The following SPAG5 variants were observed in gnomAD, a reference collection of about 807,000 sequenced individuals.
The protein encoded by SPAG5 is sperm associated antigen 5, also known as sperm-associated antigen 5.
SPAG5 carries 99 observed loss-of-function variants against 145.4 expected under a neutral mutation model. The observed-to-expected ratio is 0.68, with a 90% CI of 0.58 to 0.80. The LOEUF (loss-of-function observed/expected upper bound fraction) is 0.80. SPAG5 is among the 30% of genes least tolerant of loss of function. SPAG5 has a pLI of 0.00. For missense variants in SPAG5, 1,192 were observed against 1,416.0 expected, an observed-to-expected ratio of 0.84 and a Z score of 2.54; for synonymous variants, 477 against 525.4, an observed-to-expected ratio of 0.91 and a Z score of 1.26.
chr17:28,579,257 AG>A lies in SPAG5; in HGVS notation c.3006-6del, dbSNP rs765285932. On this transcript the variant is annotated splice_region_variant and splice_polypyrimidine_tract_variant and intron_variant, in intron 18 of 23. Coordinates refer to ENST00000321765, the MANE Select transcript of SPAG5 (RefSeq NM_006461.4). ...AGCCTAGCTTGCAGCTCACAACTGA[AG>A]GAAGGAAGAATTTAGCAACATTCCT... is the stretch of plus-strand genomic sequence containing the variant. The A allele has an allele frequency of 1.9e-6, 3 of 1,614,060 alleles. No homozygotes were observed. Among genetic ancestry groups the A allele is most frequent in the Non-Finnish European group, 1.7e-6 (2 of 1,179,960 alleles).
chr17:28,579,742 C>A lies in SPAG5; in HGVS notation c.2884+9G>T. ...GAAATGAGGCAGGATCCCTGGAGCC[C>A]CTCCTAACCTGCGGGCTGAAGGGAA... On this transcript the variant is annotated intron_variant, in intron 17 of 23. Transcript: ENST00000321765. 2 of 1,613,072 alleles carry A rather than the reference C, an allele frequency of 1.2e-6. No individual in the cohort carries two copies. Among genetic ancestry groups the A allele is most frequent in the Non-Finnish European group, 1.7e-6 (2 of 1,179,018 alleles).
rs770425231 is a variant in SPAG5, at chr17:28,586,168, A to C, written c.1527T>G (p.Leu509=). 1 of 1,613,972 alleles carries C rather than the reference A, an allele frequency of 6.2e-7. No homozygotes were observed. The highest frequency in any genetic ancestry group is 8.5e-7 in the Non-Finnish European group (1 of 1,179,818). ...QARNVMQSWV[L]ISKELISLLH... ...GCAAGGATATCAGCTCTTTAGAGAT[A>C]AGCACCCATGATTGCTGTAGAGAAA... is the stretch of plus-strand genomic sequence containing the variant. The change falls in exon 6 of 24, where the codon CTT becomes CTG. Residue 509 remains leucine (L), a synonymous_variant. Coordinates refer to ENST00000321765, the MANE Select transcript of SPAG5 (RefSeq NM_006461.4).
chr17:28,578,176 C>G, intron 22 of SPAG5, 42 bp downstream of exon 22: 2 of 1,611,668 alleles, frequency 1.2e-6, no homozygotes, highest in Non-Finnish European at 1.7e-6. Context: ...CATTTGTTAA[C>G]GATGGTAGGA....
At position 28,592,600 on chromosome 17, in the gene SPAG5, T is replaced by C. The variant is rs369246872; in HGVS notation, c.644A>G (p.His215Arg). ...SPPNPCSEQLHCSKESLSSRT... is the reference protein window; with the variant it reads ...SPPNPCSEQLRCSKESLSSRT... The stretch of plus-strand genomic sequence containing the variant: ...ACTGCTCAGGCTTTCCTTGGAGCAA[T>C]GTAGTTGTTCAGAACAGGGATTTGG... The change falls in exon 3 of 24, where the codon CAT (histidine) becomes CGT (arginine). Residue 215 changes from histidine to arginine, a missense_variant. Around this residue, in one of 5 missense-constraint regions of SPAG5, gnomAD observed 329 missense variants for 354.0 expected, o/e 0.93. Transcript: ENST00000321765. 84 of 1,614,016 alleles carry C rather than the reference T, an allele frequency of 5.2e-5. No homozygotes were observed. Among genetic ancestry groups the C allele is most frequent in the Non-Finnish European group, 7.0e-5 (83 of 1,180,044 alleles).
At position 28,592,213 on chromosome 17, in the gene SPAG5, G is replaced by C. The variant is rs761621485; in HGVS notation, c.1031C>G (p.Ala344Gly). The change falls in exon 3 of 24, where the codon GCC becomes GGC. Residue 344 changes from alanine to glycine, a missense_variant. Ala to Gly is a moderately conservative substitution (Grantham distance 60, BLOSUM62 0). Coordinates refer to ENST00000321765, the MANE Select transcript of SPAG5 (RefSeq NM_006461.4). ...SDTESWMSPLAWLEKGVNTSV... is the reference protein window; with the variant it reads ...SDTESWMSPLGWLEKGVNTSV... ...GGTATTTACACCTTTTTCCAGCCAG[G>C]CCAGTGGGGACATCCAAGACTCTGT... 1.9e-6 allele frequency: 3 copies of C among 1,614,140 alleles called. No individual in the cohort carries two copies. In the South Asian group the frequency reaches 3.3e-5, roughly 18 times the overall value.
rs779711917 is a variant in SPAG5 at position 28,577,604 on chromosome 17, TTA to T, written c.*93_*94del. ...TAAATACACTTTATTTAAATAGCAT[TTA>T]TCTCAGTTGGCTCTATGCCAGTTGG... On this transcript the variant is annotated 3_prime_UTR_variant, in exon 24 of 24. Transcript: ENST00000321765. 85 of 828,400 alleles carry T rather than the reference TTA, an allele frequency of 1.0e-4. No individual in the cohort carries two copies. The highest frequency in any genetic ancestry group is 1.6e-4 in the Non-Finnish European group (77 of 475,884). 51.3% of individuals were successfully genotyped at this position (828,400 alleles called of 1,614,324 possible). A position where few individuals can be genotyped will look rare whatever the true frequency, so the allele number is the denominator to read the frequency against.
intron 2 of SPAG5, among the ~76,000 whole-genome samples, chr17:28,594,304 TAATC>T (rs1291501765): frequency 6.6e-6 from 1 of 152,122 alleles, no homozygotes; most frequent in Non-Finnish European, 1.5e-5. Context: ...ATTAAAAAAA[TAATC>T]AAACAGACCG....
intron 2 of SPAG5, among the ~76,000 whole-genome samples, chr17:28,595,036 G>T (rs2070652378): frequency 6.6e-6 from 1 of 151,770 alleles, no homozygotes; most frequent in Non-Finnish European, 1.5e-5. Context: ...GAGGCGGTCA[G>T]ATCACAAGGT....
Position 28,578,443 on chromosome 17 carries a change from C to T in SPAG5, c.3284G>A (p.Gly1095Asp), listed in dbSNP as rs747649016. ...AGGCTGGCAGTTGGAGTCCAGCTGG[C>T]CTGCCAGGGCCTCCTGGAGCACTTT... ...ETKVLQEALA[G>D]QLDSNCQPMA... The change falls in exon 21 of 24, where the codon GGC (glycine) becomes GAC (aspartate). Residue 1095 changes from glycine to aspartate, a missense_variant. Gly to Asp is a moderately conservative substitution (Grantham distance 94). Transcript: ENST00000321765. 6.2e-6 allele frequency: 10 copies of T among 1,613,910 alleles called. No individual in the cohort carries two copies. Among genetic ancestry groups the T allele is most frequent in the Non-Finnish European group, 8.5e-6 (10 of 1,180,048 alleles).
Position 28,592,212 on chromosome 17 carries a change from G to T in SPAG5, c.1032C>A (p.Ala344=). The stretch of plus-strand genomic sequence containing the variant: ...AGGTATTTACACCTTTTTCCAGCCA[G>T]GCCAGTGGGGACATCCAAGACTCTG... ...SDTESWMSPL[A]WLEKGVNTSV... The change falls in exon 3 of 24, where the codon GCC becomes GCA. Residue 344 remains alanine, a synonymous_variant. Transcript: ENST00000321765. The T allele has an allele frequency of 6.2e-7, 1 of 1,614,178 alleles. No homozygotes were observed. The highest frequency in any genetic ancestry group is 8.5e-7 in the Non-Finnish European group (1 of 1,180,020).
chr17:28,587,751 A>G (rs2070595776), intron 4 of SPAG5, among the ~76,000 whole-genome samples: 1 of 151,298 alleles, frequency 6.6e-6, no homozygotes, highest in African/African-American at 2.4e-5. Flanking sequence ...GGATGAACCA[A>G]TTTATATCCT....
intron 2 of SPAG5, among the ~76,000 whole-genome samples, chr17:28,596,423 T>C (rs2070665477): frequency 6.6e-6 from 1 of 152,030 alleles, no homozygotes; most frequent in East Asian, 1.9e-4. Flanking sequence ...ATCCCAGCAC[T>C]TTGGGAGGCT....
chr17:28,598,793 C>G (rs1310427261), intron 1 of SPAG5, 103 bp downstream of exon 1: 15 of 1,530,016 alleles, frequency 9.8e-6, no homozygotes, highest in Non-Finnish European at 1.1e-5. Context: ...TCCACAAGCC[C>G]CCAACCCCGG....
In SPAG5 at chr17:28,584,377, C is replaced by G; in HGVS notation, c.2265G>C (p.Glu755Asp). ...HCAQDLAMKDELLCQLTQSNE... is the reference protein window; with the variant it reads ...HCAQDLAMKDDLLCQLTQSNE... ...TGCTCTGGGTAAGCTGGCAGAGTAA[C>G]TCATCCTTCATAGCCAGGTCCTGGG... Residue 755 changes from glutamate to aspartate, a missense_variant, in exon 12 of 24, where the codon GAG (glutamate) becomes GAC (aspartate). Around this residue, in one of 5 missense-constraint regions of SPAG5, gnomAD observed 709 missense variants for 840.7 expected, o/e 0.84. Coordinates refer to ENST00000321765, the MANE Select transcript of SPAG5 (RefSeq NM_006461.4). 1 of 1,614,196 alleles carries G rather than the reference C, an allele frequency of 6.2e-7. No homozygotes were observed. The highest frequency in any genetic ancestry group is 2.2e-5 in the East Asian group (1 of 44,894).
chr17:28,592,634 C>G lies in SPAG5; in HGVS notation c.610G>C (p.Glu204Gln), dbSNP rs1390361291. 1 of 1,614,114 alleles carries G rather than the reference C, an allele frequency of 6.2e-7. No homozygotes were observed. Among genetic ancestry groups the G allele is most frequent in the Non-Finnish European group, 8.5e-7 (1 of 1,180,020 alleles). Reference sequence around the variant, plus strand: ...TCAGAACAGGGATTTGGTGGAGACTCCTCTAAGAGATGGGACGGAGATTCC... The same window carrying G: ...TCAGAACAGGGATTTGGTGGAGACTGCTCTAAGAGATGGGACGGAGATTCC... ...FQESPSHLLE[E>Q]SPPNPCSEQL... is the part of the protein sequence containing the mutation. The change falls in exon 3 of 24, where the codon GAG becomes CAG. Residue 204 changes from glutamate (E) to glutamine (Q), a missense_variant. Coordinates refer to ENST00000321765, the MANE Select transcript of SPAG5 (RefSeq NM_006461.4).
In SPAG5 at chr17:28,579,436, A is replaced by C; in HGVS notation, c.2934T>G (p.Thr978=). ...GCAGGGAACAAAGACTCTGAAGCTCAGTAGTCATAATACTCATTTCTGCCA... is the reference window on the plus strand; with the variant it reads ...GCAGGGAACAAAGACTCTGAAGCTCCGTAGTCATAATACTCATTTCTGCCA... ...ESLAEMSIMT[T]ELQSLCSLLQ... The change falls in exon 18 of 24, where the codon ACT becomes ACG. Residue 978 remains threonine, a synonymous_variant. Coordinates refer to ENST00000321765, the MANE Select transcript of SPAG5 (RefSeq NM_006461.4). 6.2e-7 allele frequency: 1 copy of C among 1,614,148 alleles called. No homozygotes were observed. Among genetic ancestry groups the C allele is most frequent in the Non-Finnish European group, 8.5e-7 (1 of 1,179,980 alleles).
In SPAG5 at chr17:28,592,612, G is replaced by A. The variant is rs1427762525; in HGVS notation, c.632C>T (p.Ser211Phe). ...LLEESPPNPCSEQLHCSKESL... is the reference protein window; with the variant it reads ...LLEESPPNPCFEQLHCSKESL... ...TTCCTTGGAGCAATGTAGTTGTTCA[G>A]AACAGGGATTTGGTGGAGACTCCTC... Residue 211 changes from serine (S) to phenylalanine (F), a missense_variant, in exon 3 of 24, where the codon TCT becomes TTT. This residue lies in a region of SPAG5 where 329 missense variants were observed against 354.0 expected (regional missense o/e 0.93). Coordinates refer to ENST00000321765, the MANE Select transcript of SPAG5 (RefSeq NM_006461.4). 2.5e-6 allele frequency: 4 copies of A among 1,614,174 alleles called. No homozygotes were observed. In the Admixed American group the frequency reaches 6.7e-5, roughly 27 times the overall value.
At chr17:28,589,971 T>A (rs1413555111) in intron 4 of SPAG5, among the ~76,000 whole-genome samples, 1 of 152,206 alleles carries the variant, frequency 6.6e-6, no homozygotes, top group East Asian at 1.9e-4. Context: ...TGAAAGTTCA[T>A]CTAAATTTAA....
intron 7 of SPAG5, 49 bp downstream of exon 7, chr17:28,585,815 C>T: frequency 6.2e-7 from 1 of 1,613,612 alleles, no homozygotes; most frequent in Non-Finnish European, 8.5e-7. Flanking sequence ...CTGCAGGAAC[C>T]TTGAGGTGGA....
Sources: gnomAD v4.1 joint callset for allele counts (sites outside exome capture counted in the v4.1 genomes callset) on GRCh38, gnomAD v4.1.1 for gene constraint, gnomAD v4.1.1 regional missense constraint, MANE v1.5 for transcripts, NCBI Gene and HGNC (gene_info 2026-07-23, HGNC 2026-07-21) for gene names.